Variants in ABHD2 observed in about 807,000 individuals in gnomAD.
ABHD2 encodes abhydrolase domain containing 2, acylglycerol lipase, also known as monoacylglycerol lipase ABHD2.
Under a neutral mutation model 48.1 loss-of-function variants are expected in ABHD2, and 20 were observed. The ratio of observed to expected loss-of-function variants is 0.42; its 90% confidence interval spans 0.29 to 0.60. The LOEUF (loss-of-function observed/expected upper bound fraction) is 0.60, where lower values mean the gene tolerates loss of function less well. Among genes scored for constraint, ABHD2 ranks in the 20% least tolerant of loss-of-function variants. The pLI is 0.24. For missense variants in ABHD2, 405 were observed against 550.9 expected, an observed-to-expected ratio of 0.74 and a Z score of 2.65; for synonymous variants, 209 against 214.2, an observed-to-expected ratio of 0.98 and a Z score of 0.21.
At chr15:89,143,497 G>A (rs756084569) in intron 3 of ABHD2, among the ~76,000 whole-genome samples, 2 of 152,186 alleles carry the variant, frequency 1.3e-5, no homozygotes, top group Non-Finnish European at 2.9e-5. Context: ...GAGAAACCCC[G>A]TCTGTACTAA....
At chr15:89,066,842 G>A in the ABHD2 span, among the ~76,000 whole-genome samples, 5 of 152,330 alleles carry the variant, frequency 3.3e-5, no homozygotes, top group South Asian at 1.0e-3. Context: ...GTCTGCAGCT[G>A]AGTGCCTGAT....
rs139755384 is a variant in ABHD2 at position 89,179,187 on chromosome 15, A to G, written c.722+3192A>G. ...AGGAGGTGAGGGTGAGGAGGACAGTAGCACAGGGCCCAGGCCAGGGGCAGA... is the reference window on the plus strand; with the variant it reads ...AGGAGGTGAGGGTGAGGAGGACAGTGGCACAGGGCCCAGGCCAGGGGCAGA... On this transcript the variant is annotated intron_variant, in intron 6 of 10. Transcript: ENST00000352732. This position sits in a 1 kb window ranked among gnomAD's most constrained non-coding sequence, Gnocchi z 4.3. Among the ~76,000 whole-genome samples the G allele has an allele frequency of 1.7e-3, 255 of 152,342 alleles. 1 individual carries two copies. The highest frequency in any genetic ancestry group is 0.01 in the Middle Eastern group (3 of 294).
At chr15:89,119,351 C>G (rs1419668926) in intron 3 of ABHD2, among the ~76,000 whole-genome samples, 1 of 152,164 alleles carries the variant, frequency 6.6e-6, no homozygotes, top group Non-Finnish European at 1.5e-5. Flanking sequence ...GCCCCCCCAT[C>G]CTTCAACTCA....
the ABHD2 span, among the ~76,000 whole-genome samples, chr15:89,077,133 G>A: frequency 6.6e-6 from 1 of 152,178 alleles, no homozygotes; most frequent in South Asian, 2.1e-4. Context: ...TGGCACCCAA[G>A]AACCCCCTCT....
chr15:89,176,251 G>A lies in ABHD2; in HGVS notation c.722+256G>A, dbSNP rs1050352369. 1.3e-5 allele frequency among the ~76,000 whole-genome samples: 2 copies of A among 152,122 alleles called. No homozygotes were observed. Among genetic ancestry groups the A allele is most frequent in the Non-Finnish European group, 2.9e-5 (2 of 68,030 alleles). ...TGGAGAAGTAAAACCCCCTTTGATA[G>A]TTGCTGTCTCCTAGGGAATCTCTGT... On this transcript the variant is annotated intron_variant, in intron 6 of 10. Coordinates refer to ENST00000352732, the MANE Select transcript of ABHD2 (RefSeq NM_152924.5). The surrounding 1 kb of genome is among the most constrained non-coding windows in gnomAD (Gnocchi z 4.5).
At chr15:89,093,382 G>C (rs939773841) in intron 1 of ABHD2, among the ~76,000 whole-genome samples, 1 of 151,938 alleles carries the variant, frequency 6.6e-6, no homozygotes, top group African/African-American at 2.4e-5. Flanking sequence ...GTTTCACTAT[G>C]CTGGTCTCAA....
chr15:89,071,282 A>G, the ABHD2 span, among the ~76,000 whole-genome samples: 4 of 152,158 alleles, frequency 2.6e-5, no homozygotes, highest in African/African-American at 4.8e-5. Context: ...TTAGCTGGGC[A>G]TGGTGTCAAG....
At chr15:89,059,305 G>A in the ABHD2 span, among the ~76,000 whole-genome samples, 1 of 152,168 alleles carries the variant, frequency 6.6e-6, no homozygotes, top group Non-Finnish European at 1.5e-5. Context: ...AATGTTCGCT[G>A]TGGCTAGACA....
chr15:89,155,258 T>C lies in ABHD2; in HGVS notation c.371-109T>C, dbSNP rs1249103278. 1.6e-6 allele frequency: 2 copies of C among 1,216,598 alleles called. No individual in the cohort carries two copies. Among genetic ancestry groups the C allele is most frequent in the African/African-American group, 3.0e-5 (2 of 66,392 alleles). 75.4% of individuals were successfully genotyped at this position (1,216,598 alleles called of 1,614,324 possible). A position where few individuals can be genotyped will look rare whatever the true frequency, so the allele number is the denominator to read the frequency against. Reference sequence around the variant, plus strand: ...CTTCCCCAGAGAACTGAGTGAAAGATGTATGTTGAATTCCCTCCCCTTGTT... The same window carrying C: ...CTTCCCCAGAGAACTGAGTGAAAGACGTATGTTGAATTCCCTCCCCTTGTT... On this transcript the variant is annotated intron_variant, in intron 4 of 10. Coordinates refer to ENST00000352732, the MANE Select transcript of ABHD2 (RefSeq NM_152924.5). The surrounding 1 kb of genome is among the most constrained non-coding windows in gnomAD (Gnocchi z 4.9).
chr15:89,132,092 G>T, intron 3 of ABHD2, among the ~76,000 whole-genome samples: 1 of 152,160 alleles, frequency 6.6e-6, no homozygotes, highest in East Asian at 1.9e-4. Context: ...ATGTAAAGAT[G>T]TTTTGCTGGC....
chr15:89,110,095 A>G lies in ABHD2; in HGVS notation c.-106-3630A>G, dbSNP rs141976856. On this transcript the variant is annotated intron_variant, in intron 1 of 10. Transcript: ENST00000352732. ...CTTTTCTCTTATTTTCTTTTTTTTTATTTTTTAAGACGGACTCTCACTCTG... is the reference window on the plus strand; with the variant it reads ...CTTTTCTCTTATTTTCTTTTTTTTTGTTTTTTAAGACGGACTCTCACTCTG... Among the ~76,000 whole-genome samples, 200 of 146,790 alleles carry G rather than the reference A, an allele frequency of 1.4e-3. 1 individual carries two copies. Among genetic ancestry groups the G allele is most frequent in the African/African-American group, 4.9e-3 (194 of 39,872 alleles).
At chr15:89,062,502 C>A in the ABHD2 span, among the ~76,000 whole-genome samples, 3 of 152,064 alleles carry the variant, frequency 2.0e-5, no homozygotes, top group Non-Finnish European at 4.4e-5. Context: ...AGTATTAACT[C>A]CACTTCAGCC....
chr15:89,178,766 G>C (rs892361609), intron 6 of ABHD2, among the ~76,000 whole-genome samples: 7 of 152,140 alleles, frequency 4.6e-5, no homozygotes, highest in Non-Finnish European at 8.8e-5. Flanking sequence ...AACCCGCCTG[G>C]GGACTCTGTG....
Position 89,120,696 on chromosome 15 carries a change from A to G in ABHD2, c.194+4175A>G, listed in dbSNP as rs966673075. 4 of 152,176 alleles carry G rather than the reference A, an allele frequency of 2.6e-5. No individual in the cohort carries two copies. Among genetic ancestry groups the G allele is most frequent in the Non-Finnish European group, 5.9e-5 (4 of 68,058 alleles). The allele number at this position is 152,176 out of a possible 1,614,324, so 9.4% of individuals were successfully genotyped here. A position where few individuals can be genotyped will look rare whatever the true frequency, so the allele number is the denominator to read the frequency against. ...GAGATGGGGTTTCACCCTGTTGGTC[A>G]GGCTGGTCTTGAACTGTTGACCTCG... is the stretch of plus-strand genomic sequence containing the variant. On this transcript the variant is annotated intron_variant, in intron 3 of 10. Transcript: ENST00000352732. This position sits in a 1 kb window ranked among gnomAD's most constrained non-coding sequence, Gnocchi z 4.2.
Position 89,195,214 on chromosome 15 carries a change from G to C in ABHD2, c.1082-13G>C. On this transcript the variant is annotated splice_polypyrimidine_tract_variant and intron_variant, in intron 10 of 10. Coordinates refer to ENST00000352732, the MANE Select transcript of ABHD2 (RefSeq NM_152924.5). The surrounding 1 kb of genome is among the most constrained non-coding windows in gnomAD (Gnocchi z 5.1). ...AGAGAACAGTAACTCACTCAGCTGC[G>C]TTTCCCCTGCAGAGAAACGAGAGAA... is the stretch of plus-strand genomic sequence containing the variant. 1 of 1,610,678 alleles carries C rather than the reference G, an allele frequency of 6.2e-7. No homozygotes were observed. Among genetic ancestry groups the C allele is most frequent in the Non-Finnish European group, 8.5e-7 (1 of 1,177,808 alleles).
the ABHD2 span, among the ~76,000 whole-genome samples, chr15:89,052,272 T>C: frequency 6.6e-6 from 1 of 152,272 alleles, no homozygotes; most frequent in East Asian, 1.9e-4. Context: ...GGAGATTAAA[T>C]TTGAGAAATC....
chr15:89,103,693 T>A (rs1315511990), intron 1 of ABHD2, among the ~76,000 whole-genome samples: 9 of 152,096 alleles, frequency 5.9e-5, no homozygotes, highest in Admixed American at 5.9e-4. Context: ...ACAAATGGGA[T>A]CCTCTCCCTC....
intron 3 of ABHD2, among the ~76,000 whole-genome samples, chr15:89,123,763 A>G (rs2050090437): frequency 6.6e-6 from 1 of 151,812 alleles, no homozygotes; most frequent in African/African-American, 2.4e-5. Flanking sequence ...ATGGCTGGCT[A>G]ATTTTTAAAA....
At chr15:89,086,440 G>C (rs1342271265), upstream of ABHD2, among the ~76,000 whole-genome samples, 1 of 152,038 alleles carries the variant, frequency 6.6e-6, no homozygotes, top group Non-Finnish European at 1.5e-5. Context: ...TGTCAAACAA[G>C]GTCTCACTCT....
Sources: gnomAD v4.1 joint callset for allele counts (sites outside exome capture counted in the v4.1 genomes callset) on GRCh38, gnomAD v4.1.1 for gene constraint, Gnocchi (gnomAD v3.1) non-coding constraint, MANE v1.5 for transcripts, NCBI Gene and HGNC (gene_info 2026-07-23, HGNC 2026-07-21) for gene names.